Variants in SDCCAG8 observed in about 807,000 individuals in gnomAD.
SDCCAG8 encodes the protein SHH signaling and ciliogenesis regulator SDCCAG8.
Under a neutral mutation model 101.8 loss-of-function variants are expected in SDCCAG8, and 74 were observed. The observed-to-expected ratio is 0.73, with a 90% CI of 0.60 to 0.88. The LOEUF (loss-of-function observed/expected upper bound fraction) is 0.88, where lower values mean the gene tolerates loss of function less well. SDCCAG8 is among the 40% of genes least tolerant of loss of function. The pLI, the probability that SDCCAG8 is intolerant of heterozygous loss-of-function variation, is 0.00. For missense variants in SDCCAG8, 787 were observed against 822.6 expected (o/e 0.96, Z 0.53); for synonymous variants, 281 against 292.9 (o/e 0.96, Z 0.41).
rs2148267056 is a variant in SDCCAG8, at chr1:243,489,081, A to T, written c.2053A>T (p.Asn685Tyr). 6.2e-7 allele frequency: 1 copy of T among 1,613,386 alleles called. No individual in the cohort carries two copies. The highest frequency in any genetic ancestry group is 8.5e-7 in the Non-Finnish European group (1 of 1,179,994). ...QQLVQLLSKQ[N>Y]QLLLERQSLS... ...GCTGGTGCAGCTCCTCAGCAAGCAG[A>T]ACCAGCTTCTCCTGGAGAGGCAGAG... is the stretch of plus-strand genomic sequence containing the variant. The change falls in exon 17 of 18, where the codon AAC (asparagine) becomes TAC (tyrosine). Residue 685 changes from asparagine (N) to tyrosine (Y), a missense_variant. By Grantham distance (143) the Asn-to-Tyr change is moderately radical (BLOSUM62 -2). Coordinates refer to ENST00000366541, the MANE Select transcript of SDCCAG8 (RefSeq NM_006642.5).
intron 1 of SDCCAG8, among the ~76,000 whole-genome samples, chr1:243,259,680 G>A (rs1165702597): frequency 6.6e-6 from 1 of 152,038 alleles, no homozygotes; most frequent in Non-Finnish European, 1.5e-5. Flanking sequence ...TGAGCCAGGC[G>A]TGGTGGCAGG....
At chr1:243,483,528 C>T (rs1180680924) in intron 16 of SDCCAG8, among the ~76,000 whole-genome samples, 1 of 152,190 alleles carries the variant, frequency 6.6e-6, no homozygotes, top group Non-Finnish European at 1.5e-5. Flanking sequence ...CCTCCAGTGC[C>T]TCCTCCCCAG....
chr1:243,392,569 A>G (rs1469501000), intron 13 of SDCCAG8, among the ~76,000 whole-genome samples: 1 of 152,268 alleles, frequency 6.6e-6, no homozygotes, highest in Non-Finnish European at 1.5e-5. Flanking sequence ...TTGAGGAAAG[A>G]TGATAATGAT....
Position 243,417,977 on chromosome 1 carries a change from A to G in SDCCAG8, c.1754A>G (p.Gln585Arg), listed in dbSNP as rs2080720008. Residue 585 changes from glutamine (Q) to arginine (R), a missense_variant, in exon 15 of 18, where the codon CAG (glutamine) becomes CGG (arginine). By Grantham distance (43) the Gln-to-Arg change is conservative. Transcript: ENST00000366541. The stretch of plus-strand genomic sequence containing the variant: ...TTATTGTTATTTCTAGAAAATGAAC[A>G]GTATTTGTTGCTGACCTCCCAGAAT... ...EAQHDKTENE[Q>R]YLLLTSQNTF... The G allele has an allele frequency of 6.2e-7, 1 of 1,607,466 alleles. No homozygotes were observed.
intron 12 of SDCCAG8, among the ~76,000 whole-genome samples, chr1:243,357,318 G>T (rs1255947642): frequency 6.6e-6 from 1 of 151,710 alleles, no homozygotes; most frequent in Non-Finnish European, 1.5e-5. Flanking sequence ...GACGGAGGTT[G>T]CAGTGAGCTG....
At chr1:243,386,875 A>T (rs976774297) in intron 13 of SDCCAG8, among the ~76,000 whole-genome samples, 4 of 152,228 alleles carry the variant, frequency 2.6e-5, no homozygotes, top group African/African-American at 9.6e-5. Flanking sequence ...CCTAAGAAAC[A>T]TAGTTTCCCT....
chr1:243,312,447 C>G (rs187341096), intron 8 of SDCCAG8, among the ~76,000 whole-genome samples: 130 of 152,270 alleles, frequency 8.5e-4, no homozygotes, highest in African/African-American at 3.1e-3. Context: ...TGGCTCACAC[C>G]TGTAATCCCA....
intron 1 of SDCCAG8, among the ~76,000 whole-genome samples, chr1:243,264,638 T>C (rs2067446896): frequency 6.6e-6 from 1 of 151,566 alleles, no homozygotes; most frequent in Non-Finnish European, 1.5e-5. Flanking sequence ...AGAAAGAAAA[T>C]GGACAAGACA....
At chr1:243,425,961 G>A (rs558209974) in intron 15 of SDCCAG8, among the ~76,000 whole-genome samples, 2 of 152,240 alleles carry the variant, frequency 1.3e-5, no homozygotes, top group Admixed American at 6.5e-5. Context: ...GGGCACCATG[G>A]CCCAAAGAAG....
At chr1:243,413,755 GC>G (rs1250201661) in intron 13 of SDCCAG8, among the ~76,000 whole-genome samples, 5 of 152,158 alleles carry the variant, frequency 3.3e-5, no homozygotes, top group African/African-American at 1.2e-4. Context: ...TCTGGCTCCT[GC>G]CCCGGCAGGG....
At chr1:243,339,498 G>T (rs542121797) in intron 10 of SDCCAG8, among the ~76,000 whole-genome samples, 7 of 152,136 alleles carry the variant, frequency 4.6e-5, no homozygotes, top group African/African-American at 1.7e-4. Flanking sequence ...ATTGTAATGT[G>T]CCCAAGAATA....
chr1:243,281,636 T>C (rs1431616786), intron 4 of SDCCAG8, among the ~76,000 whole-genome samples: 3 of 149,592 alleles, frequency 2.0e-5, no homozygotes, highest in Non-Finnish European at 4.4e-5. Flanking sequence ...TCACTCTTTT[T>C]CTGCCTTCTC....
chr1:243,336,130 A>G (rs1285325374), intron 10 of SDCCAG8, among the ~76,000 whole-genome samples: 2 of 152,288 alleles, frequency 1.3e-5, no homozygotes, highest in African/African-American at 4.8e-5. Flanking sequence ...TGGTAAGACA[A>G]TTTGTTTTCT....
At chr1:243,417,853 G>C in intron 14 of SDCCAG8, 115 bp from the exon 15 acceptor site, 1 of 762,604 alleles carries the variant, frequency 1.3e-6, no homozygotes, top group Non-Finnish European at 2.4e-6. Flanking sequence ...AGGTGATCTA[G>C]TGGCTTATTG....
intron 16 of SDCCAG8, among the ~76,000 whole-genome samples, chr1:243,447,490 A>C (rs1254388335): frequency 6.6e-6 from 1 of 152,056 alleles, no homozygotes; most frequent in Non-Finnish European, 1.5e-5. Context: ...CAAGATGGTG[A>C]TTATAGTGTG....
chr1:243,256,127 TG>T lies in SDCCAG8; in HGVS notation c.-45del. On this transcript the variant is annotated 5_prime_UTR_variant, in exon 1 of 18. Transcript: ENST00000366541. ...CTGTTGTTCTCGGAAGGGAGAAAGC[TG>T]GACATTTCCCCACGTAACTCCCAGC... is the stretch of plus-strand genomic sequence containing the variant. 6.4e-7 allele frequency: 1 copy of T among 1,565,660 alleles called. No homozygotes were observed. Among genetic ancestry groups the T allele is most frequent in the Non-Finnish European group, 8.8e-7 (1 of 1,136,008 alleles).
At chr1:243,259,738 G>C (rs1331042823) in intron 1 of SDCCAG8, among the ~76,000 whole-genome samples, 1 of 152,048 alleles carries the variant, frequency 6.6e-6, no homozygotes, top group Non-Finnish European at 1.5e-5. Context: ...AGAATTGCTT[G>C]AGCCTGGGAG....
In SDCCAG8 at chr1:243,474,754, T is replaced by C. The variant is rs1662050262; in HGVS notation, c.1986-14260T>C. On this transcript the variant is annotated intron_variant, in intron 16 of 17. Coordinates refer to ENST00000366541, the MANE Select transcript of SDCCAG8 (RefSeq NM_006642.5). This position sits in a 1 kb window ranked among gnomAD's most constrained non-coding sequence, Gnocchi z 4.7. ...GGGACGCGGCGTGGCAGCGCAGGGCTCGGCTAGATGCGCTCCTCCTCGGAC... is the reference window on the plus strand; with the variant it reads ...GGGACGCGGCGTGGCAGCGCAGGGCCCGGCTAGATGCGCTCCTCCTCGGAC... Among the ~76,000 whole-genome samples, 1 of 152,318 alleles carries C rather than the reference T, an allele frequency of 6.6e-6. No individual in the cohort carries two copies. The highest frequency in any genetic ancestry group is 6.5e-5 in the Admixed American group (1 of 15,308).
chr1:243,470,584 G>A (rs969826792), intron 16 of SDCCAG8, among the ~76,000 whole-genome samples: 1 of 151,558 alleles, frequency 6.6e-6, no homozygotes, highest in African/African-American at 2.4e-5. Flanking sequence ...TTTCAACGGT[G>A]TCAACAATCT....
Sources: allele counts gnomAD v4.1 joint callset (sites outside exome capture counted in the v4.1 genomes callset), GRCh38; gene constraint gnomAD v4.1.1; non-coding constraint Gnocchi (gnomAD v3.1); transcripts MANE v1.5; gene names NCBI Gene and HGNC (gene_info 2026-07-23, HGNC 2026-07-21).